The following ROBO2 variants were observed in gnomAD, a reference collection of about 807,000 sequenced individuals.
ROBO2 encodes roundabout homolog 2.
A neutral mutation model predicts 160.8 loss-of-function variants in ROBO2; 53 were observed. That is an observed-to-expected ratio of 0.33 (90% confidence interval 0.26 to 0.41). The LOEUF (loss-of-function observed/expected upper bound fraction) is 0.41, where lower values mean the gene tolerates loss of function less well. ROBO2 is among the 10% of genes least tolerant of loss of function. The pLI, the probability that ROBO2 is intolerant of heterozygous loss-of-function variation, is 1.00. For synonymous variants in ROBO2, 664 were observed against 611.7 expected (o/e 1.09, Z -1.26); for missense variants, 1,577 against 1,722.4 (o/e 0.92, Z 1.49).
chr3:77,440,148 A>T (rs1419741752), intron 2 of ROBO2, among the ~76,000 whole-genome samples: 1 of 152,192 alleles, frequency 6.6e-6, no homozygotes, highest in African/African-American at 2.4e-5. Flanking sequence ...ACAATAAAAG[A>T]TGGTTTAGTA....
chr3:76,014,119 A>G (rs1401508719), intron 2 of ROBO2, among the ~76,000 whole-genome samples: 1 of 147,512 alleles, frequency 6.8e-6, no homozygotes, highest in Non-Finnish European at 1.5e-5. Context: ...GCAGCTGGGT[A>G]CAGTGGCTTA....
At position 76,429,763 on chromosome 3, in the gene ROBO2, CA is replaced by C. The variant is rs571871671; in HGVS notation, c.109+492162del. Among the ~76,000 whole-genome samples the C allele has an allele frequency of 4.3e-3, 648 of 152,244 alleles. 4 individuals are homozygous for C. Among genetic ancestry groups the C allele is most frequent in the African/African-American group, 0.014 (599 of 41,530 alleles). ...TTCAACAGTAAATATGACTATAAAT[CA>C]GGGGGCACATTTATTTTCTTCCAGG... On this transcript the variant is annotated intron_variant, in intron 2 of 26. Transcript: ENST00000487694.
chr3:75,977,597 T>G (rs1160709519), intron 2 of ROBO2, among the ~76,000 whole-genome samples: 1 of 151,550 alleles, frequency 6.6e-6, no homozygotes, highest in African/African-American at 2.4e-5. Flanking sequence ...TATAAGGATA[T>G]GAATTTAGCT....
intron 2 of ROBO2, among the ~76,000 whole-genome samples, chr3:76,478,458 T>G (rs1224924995): frequency 1.3e-5 from 2 of 151,794 alleles, no homozygotes; most frequent in African/African-American, 4.8e-5. Context: ...TTCCAAGTCT[T>G]TTGGGAAAAC....
At chr3:76,313,376 G>A (rs1409839160) in intron 2 of ROBO2, among the ~76,000 whole-genome samples, 1 of 152,214 alleles carries the variant, frequency 6.6e-6, no homozygotes, top group Middle Eastern at 3.4e-3. Flanking sequence ...GTAAAATTCT[G>A]TTCGTTTTTT....
intron 2 of ROBO2, among the ~76,000 whole-genome samples, chr3:76,657,340 G>T (rs1168860026): frequency 6.6e-6 from 1 of 151,746 alleles, no homozygotes; most frequent in Non-Finnish European, 1.5e-5. Context: ...CAGGAGAATG[G>T]CGTGAACCCC....
chr3:76,151,127 T>C (rs1404545219), intron 2 of ROBO2, among the ~76,000 whole-genome samples: 1 of 152,144 alleles, frequency 6.6e-6, no homozygotes, highest in Non-Finnish European at 1.5e-5. Flanking sequence ...GTGACCTTAT[T>C]ATAAAATTAA....
At chr3:76,031,288 A>G (rs1413654766) in intron 2 of ROBO2, among the ~76,000 whole-genome samples, 2 of 152,192 alleles carry the variant, frequency 1.3e-5, no homozygotes, top group East Asian at 3.9e-4. Flanking sequence ...TTTTCTAAAT[A>G]TAAATCATGT....
At chr3:77,582,595 G>C (rs914468096) in intron 16 of ROBO2, among the ~76,000 whole-genome samples, 2 of 151,964 alleles carry the variant, frequency 1.3e-5, no homozygotes, top group African/African-American at 4.8e-5. Flanking sequence ...GGATTATTAG[G>C]TACACCTCAT....
At chr3:76,612,753 G>C (rs1224381515) in intron 2 of ROBO2, among the ~76,000 whole-genome samples, 2 of 152,200 alleles carry the variant, frequency 1.3e-5, no homozygotes, top group Middle Eastern at 3.4e-3. Flanking sequence ...ATATCTACAT[G>C]CTTCTGTGTT....
intron 2 of ROBO2, among the ~76,000 whole-genome samples, chr3:76,783,517 T>TC (rs2062788171): frequency 2.7e-5 from 4 of 149,898 alleles, no homozygotes; most frequent in Admixed American, 2.0e-4. Context: ...TTTCTTTCTT[T>TC]TTTTTTTTTT....
chr3:77,402,029 C>A (rs1035062291), intron 2 of ROBO2, among the ~76,000 whole-genome samples: 18 of 152,152 alleles, frequency 1.2e-4, no homozygotes, highest in African/African-American at 3.9e-4. Context: ...GCAACCAACC[C>A]AAATGCCCAT....
intron 21 of ROBO2, among the ~76,000 whole-genome samples, chr3:77,617,177 C>T (rs2153702737): frequency 6.6e-6 from 1 of 152,186 alleles, no homozygotes; most frequent in South Asian, 2.1e-4. Context: ...AATCTACAAG[C>T]ACTAAATTCA....
At chr3:76,347,446 A>G (rs892793770) in intron 2 of ROBO2, among the ~76,000 whole-genome samples, 1 of 152,094 alleles carries the variant, frequency 6.6e-6, no homozygotes, top group African/African-American at 2.4e-5. Context: ...ACTTTCTAAT[A>G]ACAGAAGGTA....
intron 2 of ROBO2, among the ~76,000 whole-genome samples, chr3:77,466,983 G>A (rs2082833736): frequency 6.6e-6 from 1 of 152,186 alleles, no homozygotes. Context: ...AATGACAAGA[G>A]ATGCTGCTGA....
At chr3:77,359,487 C>A (rs929458736) in intron 2 of ROBO2, among the ~76,000 whole-genome samples, 7 of 152,126 alleles carry the variant, frequency 4.6e-5, no homozygotes, top group African/African-American at 1.7e-4. Flanking sequence ...TCAATATGTG[C>A]CTTTCCAGAG....
chr3:77,107,251 A>C (rs34791435), intron 2 of ROBO2, among the ~76,000 whole-genome samples: 11,988 of 152,174 alleles, frequency 0.079, 507 homozygotes, highest in East Asian at 0.14. Context: ...TAAGATTTCA[A>C]CATGTGAATT....
At chr3:77,350,917 C>T (rs919714626) in intron 2 of ROBO2, among the ~76,000 whole-genome samples, 1 of 152,166 alleles carries the variant, frequency 6.6e-6, no homozygotes, top group African/African-American at 2.4e-5. Flanking sequence ...TAAACACACA[C>T]TTGGTGGCTT....
chr3:77,126,924 G>C (rs1413145556), intron 2 of ROBO2, among the ~76,000 whole-genome samples: 1 of 151,362 alleles, frequency 6.6e-6, no homozygotes, highest in Non-Finnish European at 1.5e-5. Context: ...GAGTAGCTGG[G>C]ACTGCAGGTG....
Sources: allele counts gnomAD v4.1 joint callset (sites outside exome capture counted in the v4.1 genomes callset), GRCh38; gene constraint gnomAD v4.1.1; transcripts MANE v1.5; gene names NCBI Gene and HGNC (gene_info 2026-07-23, HGNC 2026-07-21).